PCDHGA5: variants seen among roughly 807,000 people sequenced by gnomAD.
PCDHGA5 encodes the protein protocadherin gamma-A5.
In PCDHGA5, 36 loss-of-function variants were observed where a neutral mutation model predicts 56.7. That is an observed-to-expected ratio of 0.64 (90% CI 0.49 to 0.84). The LOEUF is 0.84. PCDHGA5 is among the 40% of genes least tolerant of loss of function. The pLI is 0.00. For synonymous variants in PCDHGA5, 563 were observed against 520.2 expected (o/e 1.08, Z -1.12); for missense variants, 1,305 against 1,201.5 (o/e 1.09, Z -1.27).
At chr5:141,462,503 A>G (rs1338834436) in intron 1 of PCDHGA5, among the ~76,000 whole-genome samples, 1 of 152,060 alleles carries the variant, frequency 6.6e-6, no homozygotes, top group East Asian at 1.9e-4. Context: ...ATAATTGTCA[A>G]CTAGATCAAG....
At chr5:141,510,358 C>T (rs186470331) in intron 3 of PCDHGA5, among the ~76,000 whole-genome samples, 187 of 144,062 alleles carry the variant, frequency 1.3e-3, no homozygotes, top group African/African-American at 4.6e-3. Context: ...ACTAACGGAA[C>T]TACCGAATCT....
chr5:141,438,631 TATATAC>T (rs1271580663), intron 1 of PCDHGA5, among the ~76,000 whole-genome samples: 5,390 of 42,476 alleles, frequency 0.13, 146 homozygotes, highest in Non-Finnish European at 0.16. Context: ...TATATATATA[TATATAC>T]ACACACACAC....
chr5:141,419,206 G>T, intron 1 of PCDHGA5: 1 of 1,613,876 alleles, frequency 6.2e-7, no homozygotes, highest in Non-Finnish European at 8.5e-7. Flanking sequence ...ATGACAACGC[G>T]CCGGTTTTCG....
intron 1 of PCDHGA5, among the ~76,000 whole-genome samples, chr5:141,443,690 A>C (rs2098399415): frequency 6.6e-6 from 1 of 152,224 alleles, no homozygotes; most frequent in Non-Finnish European, 1.5e-5. Flanking sequence ...AACACTTCAA[A>C]AATTATAGAA....
intron 1 of PCDHGA5, chr5:141,395,179 A>C: frequency 6.2e-7 from 1 of 1,614,164 alleles, no homozygotes; most frequent in South Asian, 1.1e-5. Flanking sequence ...GAGAAAAATG[A>C]TTCTTTGTTA....
At chr5:141,433,693 C>T (rs772152724) in intron 1 of PCDHGA5, among the ~76,000 whole-genome samples, 2 of 151,986 alleles carry the variant, frequency 1.3e-5, no homozygotes, top group Admixed American at 6.6e-5. Flanking sequence ...CAAAATTAGC[C>T]GGGCGTGGTG....
At chr5:141,389,091 G>A (rs1303132964) in intron 1 of PCDHGA5, 1 of 1,614,038 alleles carries the variant, frequency 6.2e-7, no homozygotes, top group Non-Finnish European at 8.5e-7. Flanking sequence ...GTATAAATTA[G>A]TGACAGATGC....
Position 141,365,972 on chromosome 5 carries a change from C to A in PCDHGA5, c.1642C>A (p.Leu548Met), listed in dbSNP as rs1287343424. The A allele has an allele frequency of 6.2e-7, 1 of 1,614,232 alleles. No individual in the cohort carries two copies. The highest frequency in any genetic ancestry group is 1.7e-5 in the Admixed American group (1 of 60,022). ...GNPPLSSNVS[L>M]SLFVLDQNDN... ...CCCTCCACTTAGCAGCAACGTGTCG[C>A]TGAGCCTGTTTGTGCTGGACCAGAA... is the stretch of plus-strand genomic sequence containing the variant. The change falls in exon 1 of 4, where the codon CTG (leucine) becomes ATG (methionine). Residue 548 changes from leucine to methionine, a missense_variant. Coordinates refer to ENST00000518069, the MANE Select transcript of PCDHGA5 (RefSeq NM_018918.3).
At chr5:141,403,699 TAA>T in intron 1 of PCDHGA5, 1 of 1,613,934 alleles carries the variant, frequency 6.2e-7, no homozygotes, top group East Asian at 2.2e-5. Context: ...TTTACCGAGT[TAA>T]AGTCCTTGAG....
intron 1 of PCDHGA5, chr5:141,391,631 G>C (rs913626630): frequency 6.6e-6 from 1 of 152,170 alleles, no homozygotes; most frequent in African/African-American, 2.4e-5. Flanking sequence ...GAAAGTTTTA[G>C]TCAGTGAAAA....
intron 1 of PCDHGA5, chr5:141,410,721 A>G (rs2154543206): frequency 1.5e-5 from 21 of 1,395,496 alleles, no homozygotes; most frequent in Non-Finnish European, 2.0e-5. Context: ...ATATGTTTAA[A>G]ATCCATAGCT....
intron 1 of PCDHGA5, chr5:141,479,217 A>G (rs1433108919): frequency 1.3e-5 from 2 of 152,400 alleles, no homozygotes; most frequent in Non-Finnish European, 2.9e-5. Context: ...TTAAAAAATT[A>G]AAACTATAAT....
chr5:141,471,080 C>T (rs2099249652), intron 1 of PCDHGA5, among the ~76,000 whole-genome samples: 1 of 147,610 alleles, frequency 6.8e-6, no homozygotes, highest in African/African-American at 2.5e-5. Context: ...ACAGGGTCTC[C>T]CTCTGTTGTC....
chr5:141,417,023 T>C (rs2096074487), intron 1 of PCDHGA5: 1 of 139,106 alleles, frequency 7.2e-6, no homozygotes, highest in South Asian at 2.3e-4. Flanking sequence ...TTTTGAAAAA[T>C]ACAGGTTTTT....
intron 1 of PCDHGA5, chr5:141,404,943 T>C: frequency 1.2e-6 from 2 of 1,613,914 alleles, no homozygotes; most frequent in Non-Finnish European, 8.5e-7. Context: ...ACAGTAGCCA[T>C]AGCTGACAGC....
chr5:141,399,038 A>G (rs1228007346), intron 1 of PCDHGA5: 2 of 1,613,854 alleles, frequency 1.2e-6, no homozygotes, highest in South Asian at 2.2e-5. Context: ...AAGAAACTGG[A>G]TTTTGAAGAG....
rs1279890312 is a variant in PCDHGA5, at chr5:141,432,403, G to C, written c.2422-62404G>C. On this transcript the variant is annotated intron_variant, in intron 1 of 3. Transcript: ENST00000518069. This position sits in a 1 kb window ranked among gnomAD's most constrained non-coding sequence, Gnocchi z 6.0. ...CGCCCCTCAGCAGCAACGTGTCGTT[G>C]AGCCTGTTCGTGCTGGACCAGAACG... 1.9e-6 allele frequency: 3 copies of C among 1,614,242 alleles called. No homozygotes were observed. Among genetic ancestry groups the C allele is most frequent in the Non-Finnish European group, 8.5e-7 (1 of 1,180,052 alleles).
chr5:141,403,667 G>T (rs1386561971), intron 1 of PCDHGA5: 8 of 1,613,910 alleles, frequency 5.0e-6, no homozygotes, highest in Non-Finnish European at 6.8e-6. Flanking sequence ...AAATGATAAT[G>T]CCCCGGTTTT....
At chr5:141,478,133 G>T (rs769287158) in intron 1 of PCDHGA5, 1 of 1,614,060 alleles carries the variant, frequency 6.2e-7, no homozygotes, top group Non-Finnish European at 8.5e-7. Flanking sequence ...CTCTCCTGAA[G>T]CCCGAGCCGA....
Sources: gnomAD v4.1 joint callset for allele counts (sites outside exome capture counted in the v4.1 genomes callset) on GRCh38, gnomAD v4.1.1 for gene constraint, Gnocchi (gnomAD v3.1) non-coding constraint, MANE v1.5 for transcripts, NCBI Gene and HGNC (gene_info 2026-07-23, HGNC 2026-07-21) for gene names.